The following LMX1A variants were observed in gnomAD, a reference collection of about 807,000 sequenced individuals.
LMX1A encodes the protein LIM homeobox transcription factor 1 alpha.
A neutral mutation model predicts 49.1 loss-of-function variants in LMX1A; 15 were observed. That is an observed-to-expected ratio of 0.31 (90% CI 0.20 to 0.47). The LOEUF (loss-of-function observed/expected upper bound fraction) is 0.47. Among genes scored for constraint, LMX1A ranks in the 20% least tolerant of loss-of-function variants. The pLI, the probability that LMX1A is intolerant of heterozygous loss-of-function variation, is 1.00. For synonymous variants in LMX1A, 167 were observed against 185.7 expected (o/e 0.90, Z 0.82); for missense variants, 372 against 475.8 (o/e 0.78, Z 2.03).
chr1:165,216,530 G>A (rs1336284727), intron 4 of LMX1A, among the ~76,000 whole-genome samples: 1 of 152,176 alleles, frequency 6.6e-6, no homozygotes, highest in Non-Finnish European at 1.5e-5. Context: ...AAGAAAAGAG[G>A]CTGAGTCTGC....
intron 3 of LMX1A, among the ~76,000 whole-genome samples, chr1:165,335,672 G>T (rs998176455): frequency 6.6e-6 from 1 of 152,116 alleles, no homozygotes; most frequent in East Asian, 1.9e-4. Context: ...TTTTCAGTTT[G>T]GGATTAATGT....
intron 3 of LMX1A, among the ~76,000 whole-genome samples, chr1:165,286,402 G>A (rs1404821461): frequency 6.6e-6 from 1 of 152,166 alleles, no homozygotes; most frequent in Non-Finnish European, 1.5e-5. Context: ...CCAGTTTGTT[G>A]GATGGACCAT....
intron 3 of LMX1A, among the ~76,000 whole-genome samples, chr1:165,306,725 C>A (rs1654929536): frequency 6.6e-6 from 1 of 152,222 alleles, no homozygotes; most frequent in South Asian, 2.1e-4. Context: ...TCCCCAACAG[C>A]CTGTTGGTGG....
intron 3 of LMX1A, among the ~76,000 whole-genome samples, chr1:165,251,083 CTTT>C (rs36006799): frequency 2.1e-5 from 3 of 143,710 alleles, no homozygotes; most frequent in South Asian, 2.3e-4. Context: ...TATTGAATGG[CTTT>C]TTTTTTTTTT....
At chr1:165,273,765 C>T (rs77317285) in intron 3 of LMX1A, among the ~76,000 whole-genome samples, 3,272 of 152,214 alleles carry the variant, frequency 0.021, 107 homozygotes, top group African/African-American at 0.075. Flanking sequence ...AAAGCATTTA[C>T]ATGAAAAAAA....
At chr1:165,326,741 T>TC (rs1375983983) in intron 3 of LMX1A, among the ~76,000 whole-genome samples, 3 of 152,012 alleles carry the variant, frequency 2.0e-5, no homozygotes, top group Non-Finnish European at 2.9e-5. Flanking sequence ...CTCAACCATT[T>TC]CCCCCAAACT....
intron 7 of LMX1A, 146 bp downstream of exon 7, chr1:165,207,917 C>G (rs1213554706): frequency 3.1e-6 from 2 of 642,186 alleles, no homozygotes; most frequent in African/African-American, 3.7e-5. Context: ...GCTCAGTCTT[C>G]CCTTGAAGGC....
intron 3 of LMX1A, among the ~76,000 whole-genome samples, chr1:165,307,792 T>G (rs1654962622): frequency 6.6e-6 from 1 of 152,256 alleles, no homozygotes; most frequent in South Asian, 2.1e-4. Flanking sequence ...GTACAATGAG[T>G]TATTAGCATG....
intron 3 of LMX1A, among the ~76,000 whole-genome samples, chr1:165,266,101 G>A (rs370303427): frequency 4.6e-5 from 7 of 152,152 alleles, no homozygotes; most frequent in Non-Finnish European, 8.8e-5. Context: ...ACACACTAGG[G>A]GAAAATCCTT....
chr1:165,231,785 A>T (rs1402875582), intron 4 of LMX1A, among the ~76,000 whole-genome samples: 1 of 32,404 alleles, frequency 3.1e-5, no homozygotes, highest in African/African-American at 7.5e-5. Context: ...TACCTGTTCT[A>T]AAAAAAAATC....
chr1:165,314,205 C>T lies in LMX1A; in HGVS notation c.263+38871G>A, dbSNP rs546362503. ...GTGGCAGCGGTTGGGGGAGTGACAG[C>T]GTGAGGACAGTCGCCACATGTGCAA... is the stretch of plus-strand genomic sequence containing the variant. On this transcript the variant is annotated intron_variant, in intron 3 of 8. Transcript: ENST00000342310. Among the ~76,000 whole-genome samples, 11 of 152,264 alleles carry T rather than the reference C, an allele frequency of 7.2e-5. No individual in the cohort carries two copies. In the South Asian group the frequency reaches 8.3e-4, roughly 11 times the overall value.
chr1:165,255,863 C>G (rs1258817303), intron 3 of LMX1A, among the ~76,000 whole-genome samples: 5 of 152,046 alleles, frequency 3.3e-5, no homozygotes, highest in African/African-American at 1.2e-4. Context: ...ATCTCAGCTA[C>G]TCAGGAGGCT....
At chr1:165,255,694 T>G (rs1177208375) in intron 3 of LMX1A, among the ~76,000 whole-genome samples, 1 of 152,134 alleles carries the variant, frequency 6.6e-6, no homozygotes, top group Non-Finnish European at 1.5e-5. Context: ...TGAGTTCTGG[T>G]CAGGTTCAGT....
chr1:165,346,113 C>T (rs770531695), intron 3 of LMX1A, among the ~76,000 whole-genome samples: 3 of 152,182 alleles, frequency 2.0e-5, no homozygotes, highest in South Asian at 2.1e-4. Context: ...ATTTTTAATA[C>T]GATGGAGTTC....
At chr1:165,277,316 G>A (rs147512519) in intron 3 of LMX1A, among the ~76,000 whole-genome samples, 2 of 152,202 alleles carry the variant, frequency 1.3e-5, no homozygotes, top group East Asian at 3.9e-4. Flanking sequence ...TCTTGGCATC[G>A]GCCCACCTCC....
chr1:165,286,097 T>C (rs1383535942), intron 3 of LMX1A, among the ~76,000 whole-genome samples: 1 of 152,164 alleles, frequency 6.6e-6, no homozygotes, highest in Non-Finnish European at 1.5e-5. Context: ...GGGGCCTGGG[T>C]TGACTCTTAT....
intron 4 of LMX1A, among the ~76,000 whole-genome samples, chr1:165,248,187 A>G (rs1271114615): frequency 6.6e-6 from 1 of 152,222 alleles, no homozygotes; most frequent in African/African-American, 2.4e-5. Flanking sequence ...ATAAGCTAGC[A>G]GGACAAAAGA....
intron 8 of LMX1A, among the ~76,000 whole-genome samples, chr1:165,204,802 G>T (rs1651005646): frequency 6.6e-6 from 1 of 152,152 alleles, no homozygotes. Context: ...AAATGTGTTT[G>T]CCCTGTTTTC....
intron 3 of LMX1A, among the ~76,000 whole-genome samples, chr1:165,348,931 A>C (rs1177157817): frequency 1.3e-5 from 2 of 152,198 alleles, no homozygotes; most frequent in African/African-American, 4.8e-5. Flanking sequence ...CTCCAAAAGA[A>C]AGGGAAGAAA....
Sources: gnomAD v4.1 joint callset for allele counts (sites outside exome capture counted in the v4.1 genomes callset) on GRCh38, gnomAD v4.1.1 for gene constraint, MANE v1.5 for transcripts, NCBI Gene and HGNC (gene_info 2026-07-23, HGNC 2026-07-21) for gene names.